The following PDGFD variants were observed in gnomAD, a reference collection of about 807,000 sequenced individuals.
PDGFD encodes platelet derived growth factor D, also known as platelet-derived growth factor D.
A neutral mutation model predicts 44.7 loss-of-function variants in PDGFD; 30 were observed. The ratio of observed to expected loss-of-function variants is 0.67; its 90% CI spans 0.50 to 0.91. The LOEUF (loss-of-function observed/expected upper bound fraction) is 0.91. PDGFD is among the 40% of genes least tolerant of loss of function. The pLI, the probability that PDGFD is intolerant of heterozygous loss-of-function variation, is 0.00. For missense variants in PDGFD, 445 were observed against 457.8 expected (o/e 0.97, Z 0.25); for synonymous variants, 173 against 168.4 (o/e 1.03, Z -0.21).
intron 6 of PDGFD, among the ~76,000 whole-genome samples, chr11:103,917,177 A>T (rs185816779): frequency 5.0e-4 from 76 of 152,318 alleles, no homozygotes; most frequent in Non-Finnish European, 8.4e-4. Context: ...ATTTGTTAAC[A>T]TATAATATCC....
chr11:103,995,271 A>T (rs951063884), intron 3 of PDGFD, among the ~76,000 whole-genome samples: 2 of 152,124 alleles, frequency 1.3e-5, no homozygotes, highest in African/African-American at 4.8e-5. Context: ...CTTTGTATCT[A>T]CTACATCTAC....
chr11:104,119,078 T>TATATTAATATA lies in PDGFD; in HGVS notation c.124+44725_124+44726insTATATTAATAT, dbSNP rs1565340471. 4.4e-3 allele frequency among the ~76,000 whole-genome samples: 18 copies of TATATTAATATA among 4,086 alleles called. 2 individuals are homozygous for TATATTAATATA. The highest frequency in any genetic ancestry group is 5.4e-3 in the Non-Finnish European group (12 of 2,218). The allele number at this position is 4,086 out of a possible 152,430, so 2.7% of individuals were successfully genotyped here. On this transcript the variant is annotated intron_variant, in intron 1 of 6. Coordinates refer to ENST00000393158, the MANE Select transcript of PDGFD (RefSeq NM_025208.5). ...ATATTAATATAATATATTGGTATAA[T>TATATTAATATA]ATATAATATATTGATATAATATATA...
chr11:103,994,825 C>T (rs1057135376), intron 3 of PDGFD, among the ~76,000 whole-genome samples: 2 of 150,764 alleles, frequency 1.3e-5, no homozygotes, highest in Non-Finnish European at 2.9e-5. Context: ...GTGGGCCTAA[C>T]GTACAGCACT....
At chr11:104,115,689 A>T (rs1034317687) in intron 1 of PDGFD, among the ~76,000 whole-genome samples, 1 of 151,936 alleles carries the variant, frequency 6.6e-6, no homozygotes, top group African/African-American at 2.4e-5. Flanking sequence ...CCGCATCCAC[A>T]CCAACACCTA....
At chr11:104,013,571 G>C (rs549199460) in intron 1 of PDGFD, among the ~76,000 whole-genome samples, 21 of 151,998 alleles carry the variant, frequency 1.4e-4, no homozygotes, top group Non-Finnish European at 2.6e-4. Flanking sequence ...TCCTGTGAAG[G>C]GGTCCAGGGA....
intron 1 of PDGFD, among the ~76,000 whole-genome samples, chr11:104,154,326 C>T (rs1052240740): frequency 3.3e-5 from 5 of 152,070 alleles, no homozygotes; most frequent in African/African-American, 7.2e-5. Flanking sequence ...ACGTGTCCTG[C>T]GTTAGTTTTG....
chr11:104,001,524 A>T (rs915598366), intron 1 of PDGFD, among the ~76,000 whole-genome samples: 14 of 152,218 alleles, frequency 9.2e-5, no homozygotes, highest in African/African-American at 3.4e-4. Context: ...GGGTCCCCCA[A>T]ACTTGCAGCT....
At chr11:103,943,371 T>C in intron 5 of PDGFD, 81 bp downstream of exon 5, 1 of 1,336,182 alleles carries the variant, frequency 7.5e-7, no homozygotes, top group East Asian at 2.4e-5. Context: ...TGGTTTCAAA[T>C]ACTTTGGATA....
intron 1 of PDGFD, among the ~76,000 whole-genome samples, chr11:104,015,558 A>G (rs577043494): frequency 2.6e-5 from 4 of 152,384 alleles, no homozygotes; most frequent in Admixed American, 2.6e-4. Context: ...TAGGAAAATC[A>G]TCTATTTAAC....
chr11:103,921,387 T>C (rs1320097046), intron 6 of PDGFD, among the ~76,000 whole-genome samples: 5 of 152,200 alleles, frequency 3.3e-5, no homozygotes, highest in South Asian at 2.1e-4. Context: ...AGGTACTTTT[T>C]TTTCAATAAC....
intron 3 of PDGFD, among the ~76,000 whole-genome samples, chr11:103,956,823 C>T (rs1280935592): frequency 2.0e-5 from 3 of 152,116 alleles, no homozygotes; most frequent in Non-Finnish European, 4.4e-5. Flanking sequence ...TGATGGTGAA[C>T]ATTTTTTCAT....
intron 1 of PDGFD, among the ~76,000 whole-genome samples, chr11:104,102,626 C>A (rs1454717000): frequency 6.6e-6 from 1 of 152,140 alleles, no homozygotes; most frequent in Non-Finnish European, 1.5e-5. Flanking sequence ...GACACATGCA[C>A]ACGTATGTTT....
intron 1 of PDGFD, among the ~76,000 whole-genome samples, chr11:104,076,491 T>A (rs513513): frequency 6.6e-6 from 1 of 151,874 alleles, no homozygotes; most frequent in African/African-American, 2.4e-5. Flanking sequence ...GAGAATTTTC[T>A]AATTTTGTAA....
chr11:104,049,226 C>T (rs1029709159), intron 1 of PDGFD, among the ~76,000 whole-genome samples: 2 of 152,110 alleles, frequency 1.3e-5, no homozygotes, highest in Non-Finnish European at 2.9e-5. Flanking sequence ...GTTTAGACAA[C>T]AGGGTCAGGG....
At chr11:104,071,965 C>G (rs570958302) in intron 1 of PDGFD, among the ~76,000 whole-genome samples, 6 of 151,628 alleles carry the variant, frequency 4.0e-5, no homozygotes, top group South Asian at 4.2e-4. Context: ...GTGTCTGTGC[C>G]ACAGTTTTAA....
intron 3 of PDGFD, among the ~76,000 whole-genome samples, chr11:103,980,232 G>A (rs954070451): frequency 1.3e-5 from 2 of 151,920 alleles, no homozygotes; most frequent in African/African-American, 2.4e-5. Flanking sequence ...AAAATCATAC[G>A]GAGTGCTTCT....
chr11:104,106,902 C>A (rs983611413), intron 1 of PDGFD, among the ~76,000 whole-genome samples: 1 of 151,954 alleles, frequency 6.6e-6, no homozygotes, highest in Non-Finnish European at 1.5e-5. Flanking sequence ...TGCCACCACG[C>A]CTGGCTAATT....
At chr11:104,122,708 T>C (rs941153219) in intron 1 of PDGFD, among the ~76,000 whole-genome samples, 7 of 126,992 alleles carry the variant, frequency 5.5e-5, no homozygotes, top group Non-Finnish European at 9.8e-5. Flanking sequence ...ATACAACTTA[T>C]AATACAAACA....
chr11:104,007,512 T>C (rs12420469), intron 1 of PDGFD, among the ~76,000 whole-genome samples: 45,422 of 152,154 alleles, frequency 0.3, 8,177 homozygotes, highest in Admixed American at 0.48. Flanking sequence ...ATTAAAATAT[T>C]TGATCAAACA....
Sources: allele counts gnomAD v4.1 joint callset (sites outside exome capture counted in the v4.1 genomes callset), GRCh38; gene constraint gnomAD v4.1.1; transcripts MANE v1.5; gene names NCBI Gene and HGNC (gene_info 2026-07-23, HGNC 2026-07-21).